Variants in AFF1 observed in about 807,000 individuals in gnomAD.
AFF1 encodes AF4/FMR2 family member 1.
AFF1 carries 48 observed loss-of-function variants against 121.7 expected under a neutral mutation model. That is an observed-to-expected ratio of 0.39 (90% CI 0.31 to 0.50). The LOEUF is 0.50. Ranked by LOEUF, AFF1 falls within the 20% of genes least tolerant of loss-of-function variation. The pLI, the probability that AFF1 is intolerant of heterozygous loss-of-function variation, is 0.76. For synonymous variants in AFF1, 613 were observed against 563.0 expected, an observed-to-expected ratio of 1.09 and a Z score of -1.26; for missense variants, 1,523 against 1,511.7, an observed-to-expected ratio of 1.01 and a Z score of -0.12.
intron 1 of AFF1, 186 bp downstream of exon 1, chr4:86,935,426 A>T (rs1719887163): frequency 6.6e-6 from 1 of 152,360 alleles, no homozygotes. Context: ...GCTAGGGCTC[A>T]GAGCTCTCAC....
chr4:87,103,980 T>C (rs918099155), intron 8 of AFF1, among the ~76,000 whole-genome samples: 3 of 152,246 alleles, frequency 2.0e-5, no homozygotes, highest in Non-Finnish European at 4.4e-5. Flanking sequence ...GATACATCTT[T>C]TATCTTTTGT....
intron 2 of AFF1, among the ~76,000 whole-genome samples, chr4:87,042,476 AGTT>A (rs1730258198): frequency 6.6e-6 from 1 of 152,106 alleles, no homozygotes; most frequent in Non-Finnish European, 1.5e-5. Context: ...CCCAAGAGGG[AGTT>A]GTTGGACAGT....
chr4:87,067,846 A>T (rs150185792), intron 4 of AFF1, among the ~76,000 whole-genome samples: 6 of 152,232 alleles, frequency 3.9e-5, no homozygotes, highest in Non-Finnish European at 8.8e-5. Flanking sequence ...GTTTGGATGC[A>T]CAGAGCATGG....
chr4:86,994,258 G>C (rs1211200242), intron 2 of AFF1, among the ~76,000 whole-genome samples: 1 of 152,226 alleles, frequency 6.6e-6, no homozygotes, highest in Admixed American at 6.5e-5. Context: ...CCTGATCACT[G>C]TGGGCTCACT....
At chr4:87,108,123 C>T (rs750158341) in intron 10 of AFF1, 36 bp from the exon 11 acceptor site, 18 of 1,606,908 alleles carry the variant, frequency 1.1e-5, no homozygotes, top group Middle Eastern at 3.3e-4. Context: ...CACCTTGTAT[C>T]GTGCCTTCTA....
chr4:86,980,946 C>CG (rs1723690265), intron 2 of AFF1, among the ~76,000 whole-genome samples: 1 of 86,218 alleles, frequency 1.2e-5, no homozygotes, highest in African/African-American at 4.5e-5. Context: ...AGGCTTGAGG[C>CG]ACCCCCCCCC....
At chr4:87,044,484 A>G (rs946190818) in intron 2 of AFF1, among the ~76,000 whole-genome samples, 5 of 152,220 alleles carry the variant, frequency 3.3e-5, no homozygotes, top group Admixed American at 1.3e-4. Flanking sequence ...AGGTAAGCAC[A>G]TACTTGGTGG....
chr4:87,021,983 A>G (rs1727943864), intron 2 of AFF1, among the ~76,000 whole-genome samples: 1 of 152,154 alleles, frequency 6.6e-6, no homozygotes, highest in South Asian at 2.1e-4. Flanking sequence ...CCAGCGGATC[A>G]CCTGAGGTCA....
At chr4:87,073,033 G>A (rs976377867) in intron 4 of AFF1, among the ~76,000 whole-genome samples, 1 of 150,712 alleles carries the variant, frequency 6.6e-6, no homozygotes, top group Non-Finnish European at 1.5e-5. Flanking sequence ...AGATAATTAA[G>A]TCTATCTAAG....
intron 2 of AFF1, among the ~76,000 whole-genome samples, chr4:86,956,049 A>G (rs969874499): frequency 2.0e-5 from 3 of 152,230 alleles, no homozygotes; most frequent in African/African-American, 7.2e-5. Context: ...GCTGTAGGCC[A>G]TGTTTTCCTG....
intron 2 of AFF1, among the ~76,000 whole-genome samples, chr4:86,981,889 A>G (rs1007615445): frequency 3.3e-5 from 5 of 152,218 alleles, no homozygotes; most frequent in Admixed American, 6.5e-5. Context: ...TCTGCTCTTC[A>G]GTTTATACAC....
intron 4 of AFF1, among the ~76,000 whole-genome samples, chr4:87,063,074 TTTGTAA>T (rs1720942881): frequency 6.6e-6 from 1 of 152,178 alleles, no homozygotes; most frequent in South Asian, 2.1e-4. Context: ...TAGACAGTTC[TTTGTAA>T]GGAGATAGGT....
intron 2 of AFF1, among the ~76,000 whole-genome samples, chr4:86,968,745 A>G (rs551658922): frequency 4.6e-5 from 7 of 152,346 alleles, no homozygotes; most frequent in Non-Finnish European, 1.5e-5. Flanking sequence ...AGCTCAGGAA[A>G]TAAAGTCTGC....
intron 2 of AFF1, among the ~76,000 whole-genome samples, chr4:86,983,873 TAAAAATACA>T (rs1723989801): frequency 6.6e-6 from 1 of 151,888 alleles, no homozygotes; most frequent in Non-Finnish European, 1.5e-5. Context: ...CCGTCTCTAC[TAAAAATACA>T]AAAAATTAGC....
intron 12 of AFF1, among the ~76,000 whole-genome samples, chr4:87,122,860 G>A (rs2149785864): frequency 7.3e-6 from 1 of 136,740 alleles, no homozygotes. Flanking sequence ...AACTATAAAA[G>A]GGGAGGAAAT....
At chr4:87,019,402 C>G (rs1727657235) in intron 2 of AFF1, among the ~76,000 whole-genome samples, 1 of 152,168 alleles carries the variant, frequency 6.6e-6, no homozygotes, top group Admixed American at 6.5e-5. Flanking sequence ...AATTGTAAGT[C>G]TAAAGACTTT....
At chr4:87,007,552 C>T (rs1726290096) in intron 2 of AFF1, 3 of 1,267,432 alleles carry the variant, frequency 2.4e-6, no homozygotes, top group Non-Finnish European at 3.4e-6. Context: ...TCTCATCATT[C>T]CCGAGGCTGT....
At chr4:86,965,497 G>T (rs1578861023) in intron 2 of AFF1, among the ~76,000 whole-genome samples, 2 of 152,222 alleles carry the variant, frequency 1.3e-5, no homozygotes, top group South Asian at 4.2e-4. Flanking sequence ...CCTGTAGAGG[G>T]AATTCCCCCT....
Position 87,094,969 on chromosome 4 carries a change from CGTAA to C in AFF1, c.1283+3_1283+6del. 1 of 1,612,670 alleles carries C rather than the reference CGTAA, an allele frequency of 6.2e-7. No homozygotes were observed. Among genetic ancestry groups the C allele is most frequent in the Non-Finnish European group, 8.5e-7 (1 of 1,178,736 alleles). On this transcript the variant is annotated splice_donor_variant and splice_donor_region_variant and intron_variant, in intron 8 of 20. Coordinates refer to ENST00000395146, the MANE Select transcript of AFF1 (RefSeq NM_001166693.3). LOFTEE classifies it high-confidence loss of function. Reference sequence around the variant, plus strand: ...TCAAATTCTCAGCAAGGAACGTCATCGTAAGTGAAATGCTTTTTGTGTATTAAAA... The same window carrying C: ...TCAAATTCTCAGCAAGGAACGTCATCGTGAAATGCTTTTTGTGTATTAAAA...
Sources: allele counts gnomAD v4.1 joint callset (sites outside exome capture counted in the v4.1 genomes callset), GRCh38; gene constraint gnomAD v4.1.1; transcripts MANE v1.5; gene names NCBI Gene and HGNC (gene_info 2026-07-23, HGNC 2026-07-21).